Variants in HYPK observed in about 807,000 individuals in gnomAD.
The protein encoded by HYPK is huntingtin-interacting protein K.
A neutral mutation model predicts 13.9 loss-of-function variants in HYPK; 9 were observed. That is an observed-to-expected ratio of 0.65 (90% CI 0.39 to 1.13). HYPK has a LOEUF of 1.13. Ranked by LOEUF, HYPK falls within the 50% of genes most tolerant of loss-of-function variation. The pLI is 0.01. For synonymous variants in HYPK, 76 were observed against 57.0 expected (o/e 1.33, Z -1.50); for missense variants, 138 against 157.6 (o/e 0.88, Z 0.67).
At chr15:43,801,658 T>C in intron 3 of HYPK, 53 bp from the exon 4 acceptor site, 1 of 1,609,570 alleles carries the variant, frequency 6.2e-7, no homozygotes, top group Non-Finnish European at 8.5e-7. Context: ...AGTCAGTATA[T>C]TTGGTGGCAC....
rs775722586 is a variant in HYPK at position 43,801,567 on chromosome 15, A to C, written c.268A>C (p.Ile90Leu). ...TATCAAGAAGGAAGATCTGGAGCTA[A>C]TAGTGAGTGGTAGTGCCTAACTAGT... ...VTIKKEDLEL[I>L]MTEMEISRAA... Residue 90 changes from isoleucine to leucine, a missense_variant and splice_region_variant, in exon 3 of 4, where the codon ATA (isoleucine) becomes CTA (leucine). Physicochemically the swap from Ile to Leu is conservative, Grantham distance 5. Transcript: ENST00000442995. 1 of 1,613,958 alleles carries C rather than the reference A, an allele frequency of 6.2e-7. No individual in the cohort carries two copies. Among genetic ancestry groups the C allele is most frequent in the Admixed American group, 1.7e-5 (1 of 60,034 alleles).
chr15:43,801,923 G>A lies in HYPK; in HGVS notation c.*117G>A. The stretch of plus-strand genomic sequence containing the variant: ...AGTGTATACTATATCCTATGTTGTG[G>A]AGAATTTATATGTTGGAGACTAACT... On this transcript the variant is annotated 3_prime_UTR_variant, in exon 4 of 4. Transcript: ENST00000442995. 2 of 780,940 alleles carry A rather than the reference G, an allele frequency of 2.6e-6. No individual in the cohort carries two copies. The highest frequency in any genetic ancestry group is 2.6e-5 in the East Asian group (1 of 38,214). 48.4% of individuals were successfully genotyped at this position (780,940 alleles called of 1,614,324 possible). A position where few individuals can be genotyped will look rare whatever the true frequency, so the allele number is the denominator to read the frequency against.
At chr15:43,800,500 A>T, upstream of HYPK, 3 of 1,310,540 alleles carry the variant, frequency 2.3e-6, no homozygotes, top group Non-Finnish European at 3.2e-6. Context: ...TGAAGCTTCT[A>T]GAACTGGAGC....
rs1235420218 is a variant in HYPK at position 43,803,967 on chromosome 15, A to G, written c.*2161A>G. ...GAAGATCAAGACCATCCTGGCTAAC[A>G]TGGTGAAACCCCGTCTCTACTAAAA... On this transcript the variant is annotated 3_prime_UTR_variant, in exon 4 of 4. Coordinates refer to ENST00000442995, the MANE Select transcript of HYPK (RefSeq NM_016400.4). Among the ~76,000 whole-genome samples, 2 of 151,650 alleles carry G rather than the reference A, an allele frequency of 1.3e-5. No individual in the cohort carries two copies. Among genetic ancestry groups the G allele is most frequent in the Admixed American group, 6.6e-5 (1 of 15,196 alleles).
rs1196531476 is a variant in HYPK at position 43,801,732 on chromosome 15, C to T, written c.292C>T (p.Arg98Ter). The T allele has an allele frequency of 1.7e-5, 27 of 1,614,028 alleles. No individual in the cohort carries two copies. The highest frequency in any genetic ancestry group is 4.5e-5 in the East Asian group (2 of 44,896). ...ELIMTEMEISRAAAERSLREH... is the reference protein window; with the variant it reads ...ELIMTEMEIS ...GCAGATGACTGAGATGGAGATATCT[C>T]GAGCAGCAGCAGAACGCAGTTTGCG... The change falls in exon 4 of 4, where the codon CGA becomes TGA. Residue 98 changes from arginine to a stop codon, truncating the protein, a stop_gained. Coordinates refer to ENST00000442995, the MANE Select transcript of HYPK (RefSeq NM_016400.4). LOFTEE classifies it high-confidence loss of function.
chr15:43,800,469 G>A (rs748369185), upstream of HYPK: 2 of 1,050,806 alleles, frequency 1.9e-6, no homozygotes, highest in African/African-American at 3.2e-5. Context: ...GGAAGTCTGA[G>A]AGACGAACCG....
At chr15:43,800,438 A>T (rs2087294258), upstream of HYPK, 1 of 814,786 alleles carries the variant, frequency 1.2e-6, no homozygotes, top group Admixed American at 2.1e-5. Context: ...GCCTCGCACA[A>T]AACACTGTAC....
chr15:43,802,260 T>C lies in HYPK; in HGVS notation c.*454T>C, dbSNP rs1033054314. On this transcript the variant is annotated 3_prime_UTR_variant, in exon 4 of 4. Transcript: ENST00000442995. ...TTTGGTACCTACAACATGCTTGATT[T>C]TGAGTGATTAAAAAAAAATAATTTG... is the stretch of plus-strand genomic sequence containing the variant. The C allele has an allele frequency of 2.6e-5, 4 of 156,730 alleles. No homozygotes were observed. In the South Asian group the frequency reaches 7.3e-4, roughly 29 times the overall value. 9.7% of individuals were successfully genotyped at this position (156,730 alleles called of 1,614,324 possible).
At position 43,801,183 on chromosome 15, in the gene HYPK, G is replaced by T. The variant is rs773650319; in HGVS notation, c.214G>T (p.Glu72Ter). 11 of 1,613,904 alleles carry T rather than the reference G, an allele frequency of 6.8e-6. No individual in the cohort carries two copies. The highest frequency in any genetic ancestry group is 1.3e-5 in the African/African-American group (1 of 75,004). The change falls in exon 2 of 4, where the codon GAG becomes TAG. Residue 72 changes from glutamate to a stop codon, truncating the protein, a stop_gained. Transcript: ENST00000442995. LOFTEE classifies it high-confidence loss of function. Reference protein sequence around the residue: ...RRSREQKAKQEREKELAKVTI... With the variant: ...RRSREQKAKQ ...GTCCCGGGAGCAGAAAGCCAAACAG[G>T]AGCGGTAAGTCTTCAGGGGCAGCCA...
chr15:43,801,589 T>G lies in HYPK; in HGVS notation c.270+20T>G. On this transcript the variant is annotated intron_variant, in intron 3 of 3. Coordinates refer to ENST00000442995, the MANE Select transcript of HYPK (RefSeq NM_016400.4). ...CTAATAGTGAGTGGTAGTGCCTAACTAGTGTATGCGGAGGGGAGGCTATTC... is the reference window on the plus strand; with the variant it reads ...CTAATAGTGAGTGGTAGTGCCTAACGAGTGTATGCGGAGGGGAGGCTATTC... 1 of 1,611,932 alleles carries G rather than the reference T, an allele frequency of 6.2e-7. No individual in the cohort carries two copies. The highest frequency in any genetic ancestry group is 8.5e-7 in the Non-Finnish European group (1 of 1,178,024).
In HYPK at chr15:43,803,680, G is replaced by C. The variant is rs1053978639; in HGVS notation, c.*1874G>C. Among the ~76,000 whole-genome samples, 6 of 151,110 alleles carry C rather than the reference G, an allele frequency of 4.0e-5. No homozygotes were observed. The highest frequency in any genetic ancestry group is 7.4e-5 in the Non-Finnish European group (5 of 67,924). On this transcript the variant is annotated 3_prime_UTR_variant, in exon 4 of 4. Coordinates refer to ENST00000442995, the MANE Select transcript of HYPK (RefSeq NM_016400.4). ...GTGGTGGTGGACGCCTGTAATTCCA[G>C]CTACTAGGGAGGCTGAGGCAGGAGA... is the stretch of plus-strand genomic sequence containing the variant.
Position 43,801,733 on chromosome 15 carries a change from G to GAGC in HYPK, c.302_304dup (p.Ala101dup). The GAGC allele has an allele frequency of 6.2e-7, 1 of 1,614,194 alleles. No homozygotes were observed. On this transcript the variant is annotated inframe_insertion, in exon 4 of 4. Coordinates refer to ENST00000442995, the MANE Select transcript of HYPK (RefSeq NM_016400.4). ...CAGATGACTGAGATGGAGATATCTCGAGCAGCAGCAGAACGCAGTTTGCGG... is the reference window on the plus strand; with the variant it reads ...CAGATGACTGAGATGGAGATATCTCGAGCAGCAGCAGCAGAACGCAGTTTGCGG...
Position 43,801,851 on chromosome 15 carries a change from A to T in HYPK, c.*45A>T. On this transcript the variant is annotated 3_prime_UTR_variant, in exon 4 of 4. Transcript: ENST00000442995. ...ACCTACTGGATTAATTTATGGCAAT[A>T]AAATTTTTTTTTGTCTTTTTCAGTT... is the stretch of plus-strand genomic sequence containing the variant. 6.3e-7 allele frequency: 1 copy of T among 1,575,986 alleles called. No homozygotes were observed. Among genetic ancestry groups the T allele is most frequent in the Non-Finnish European group, 8.7e-7 (1 of 1,148,058 alleles).
intron 1 of HYPK, 85 bp downstream of exon 1, chr15:43,800,869 G>A: frequency 2.3e-6 from 3 of 1,326,212 alleles, no homozygotes; most frequent in Non-Finnish European, 3.1e-6. Context: ...GCTCCAAGAC[G>A]GGGTTCTGAT....
chr15:43,800,443 C>T (rs1198310654), upstream of HYPK: 3 of 835,020 alleles, frequency 3.6e-6, no homozygotes, highest in Admixed American at 2.1e-5. Context: ...GCACAAAACA[C>T]TGTACAAACC....
Position 43,803,214 on chromosome 15 carries a change from C to A in HYPK, c.*1408C>A, listed in dbSNP as rs960421073. The stretch of plus-strand genomic sequence containing the variant: ...GACCAGCCTGGGCAACATAGCATGA[C>A]CTTGTCTCTACTAAAATTAAAAAAA... On this transcript the variant is annotated 3_prime_UTR_variant, in exon 4 of 4. Transcript: ENST00000442995. Among the ~76,000 whole-genome samples, 2 of 146,644 alleles carry A rather than the reference C, an allele frequency of 1.4e-5. No homozygotes were observed. The highest frequency in any genetic ancestry group is 5.1e-5 in the African/African-American group (2 of 39,550).
At position 43,800,665 on chromosome 15, in the gene HYPK, A is replaced by AG. The variant is rs759714297; in HGVS notation, c.43_44insG (p.Thr15SerfsTer15). 1 of 1,614,124 alleles carries AG rather than the reference A, an allele frequency of 6.2e-7. No homozygotes were observed. Among genetic ancestry groups the AG allele is most frequent in the South Asian group, 1.1e-5 (1 of 91,078 alleles). ...TGTGGAGCTGGAGTTGGAGACTGAG[A>AG]CCAGTGGACCAGAGCGGCCTCCGGA... On this transcript the variant is annotated frameshift_variant, in exon 1 of 4. Transcript: ENST00000442995. LOFTEE classifies it high-confidence loss of function.
chr15:43,800,670 T>A lies in HYPK; in HGVS notation c.48T>A (p.Ser16Arg). 6.2e-7 allele frequency: 1 copy of A among 1,614,002 alleles called. No homozygotes were observed. Among genetic ancestry groups the A allele is most frequent in the Non-Finnish European group, 8.5e-7 (1 of 1,179,982 alleles). The change falls in exon 1 of 4, where the codon AGT becomes AGA. Residue 16 changes from serine to arginine, a missense_variant. By Grantham distance (110) the Ser-to-Arg change is moderately radical (BLOSUM62 -1). Around this residue, in one of 3 missense-constraint regions of HYPK, gnomAD observed 43 missense variants for 30.4 expected, o/e 1.41. Transcript: ENST00000442995. ...DVELELETETSGPERPPEKPR... is the reference protein window; with the variant it reads ...DVELELETETRGPERPPEKPR... ...AGCTGGAGTTGGAGACTGAGACCAGTGGACCAGAGCGGCCTCCGGAGAAGC... is the reference window on the plus strand; with the variant it reads ...AGCTGGAGTTGGAGACTGAGACCAGAGGACCAGAGCGGCCTCCGGAGAAGC...
rs2087333367 is a variant in HYPK at position 43,802,770 on chromosome 15, C to G, written c.*964C>G. 1 of 151,892 alleles carries G rather than the reference C, an allele frequency of 6.6e-6. No homozygotes were observed. The allele number at this position is 151,892 out of a possible 1,614,324, so 9.4% of individuals were successfully genotyped here. On this transcript the variant is annotated 3_prime_UTR_variant, in exon 4 of 4. Transcript: ENST00000442995. The stretch of plus-strand genomic sequence containing the variant: ...TGGTGCATGCCTGTAGTCCCAGCTA[C>G]TCAGGAGGCTGAAGCAGAAGAATTG...
Sources: allele counts gnomAD v4.1 joint callset (sites outside exome capture counted in the v4.1 genomes callset), GRCh38; gene constraint gnomAD v4.1.1; regional missense constraint gnomAD v4.1.1; transcripts MANE v1.5; gene names NCBI Gene and HGNC (gene_info 2026-07-23, HGNC 2026-07-21).